The following UNC13C variants were observed in gnomAD, a reference collection of about 807,000 sequenced individuals.
UNC13C encodes the protein unc-13 homolog C.
UNC13C carries 174 observed loss-of-function variants against 245.4 expected under a neutral mutation model. The observed-to-expected ratio is 0.71, with a 90% CI of 0.63 to 0.80. UNC13C has a LOEUF of 0.80. Ranked by LOEUF, UNC13C falls within the 30% of genes least tolerant of loss-of-function variation. UNC13C has a pLI of 0.00. For synonymous variants in UNC13C, 992 were observed against 895.1 expected (o/e 1.11, Z -1.93); for missense variants, 2,829 against 2,602.9 (o/e 1.09, Z -1.89).
chr15:54,104,070 C>T (rs920536073), intron 2 of UNC13C, among the ~76,000 whole-genome samples: 75 of 152,302 alleles, frequency 4.9e-4, no homozygotes, highest in African/African-American at 1.7e-3. Context: ...GATATTGTGT[C>T]GAGTCCTTTT....
intron 19 of UNC13C, among the ~76,000 whole-genome samples, chr15:54,468,040 C>A (rs1042052442): frequency 6.6e-6 from 1 of 151,706 alleles, no homozygotes; most frequent in Non-Finnish European, 1.5e-5. Context: ...CACTTCCATA[C>A]TGTTTTCCAA....
At chr15:54,521,022 TA>T (rs1895193858) in intron 24 of UNC13C, among the ~76,000 whole-genome samples, 1 of 152,076 alleles carries the variant, frequency 6.6e-6, no homozygotes, top group African/African-American at 2.4e-5. Flanking sequence ...GATGGGGTAA[TA>T]AAATTAATGG....
chr15:54,607,661 G>A (rs1899843109), intron 30 of UNC13C, among the ~76,000 whole-genome samples: 1 of 152,164 alleles, frequency 6.6e-6, no homozygotes, highest in Non-Finnish European at 1.5e-5. Flanking sequence ...ATGAAGCATG[G>A]CTGGGAGACC....
intron 4 of UNC13C, among the ~76,000 whole-genome samples, chr15:54,169,321 A>G (rs950438065): frequency 2.0e-5 from 3 of 152,154 alleles, no homozygotes; most frequent in Non-Finnish European, 2.9e-5. Flanking sequence ...GAATTTTTGC[A>G]TTTATGAAAT....
intron 4 of UNC13C, among the ~76,000 whole-genome samples, chr15:54,181,116 A>G (rs913909481): frequency 1.3e-5 from 2 of 151,734 alleles, no homozygotes; most frequent in Non-Finnish European, 3.0e-5. Context: ...TCTAGGATTT[A>G]AGAATCCTAG....
the UNC13C span, among the ~76,000 whole-genome samples, chr15:53,864,743 G>C: frequency 6.6e-6 from 1 of 152,022 alleles, no homozygotes; most frequent in African/African-American, 2.4e-5. Flanking sequence ...TGTGTTATTT[G>C]TAATAAAGTA....
intron 2 of UNC13C, among the ~76,000 whole-genome samples, chr15:54,136,537 A>AT (rs112172332): frequency 0.024 from 3,709 of 151,660 alleles, 154 homozygotes; most frequent in African/African-American, 0.08. Context: ...CCTTTTATTT[A>AT]TTTTTTTCTT....
intron 30 of UNC13C, among the ~76,000 whole-genome samples, chr15:54,584,411 C>T (rs577913560): frequency 2.4e-3 from 370 of 152,148 alleles, no homozygotes; most frequent in Non-Finnish European, 3.8e-3. Flanking sequence ...ATTCTTTAGC[C>T]GAAAAGGCAA....
intron 19 of UNC13C, among the ~76,000 whole-genome samples, chr15:54,449,847 C>T (rs1024265318): frequency 6.6e-6 from 1 of 152,204 alleles, no homozygotes; most frequent in Non-Finnish European, 1.5e-5. Flanking sequence ...AGGAGAGGCA[C>T]TCTGATTTTT....
chr15:54,456,015 T>A lies in UNC13C; in HGVS notation c.4934-38593T>A, dbSNP rs186311998. ...TATGGTTTCAGGTCATAGGCCTAAG[T>A]CTTTGATAAATCTTGAGTTGATTTT... On this transcript the variant is annotated intron_variant, in intron 19 of 32. Coordinates refer to ENST00000260323, the MANE Select transcript of UNC13C (RefSeq NM_001080534.3). Among the ~76,000 whole-genome samples the A allele has an allele frequency of 3.8e-4, 58 of 152,344 alleles. No homozygotes were observed. The Middle Eastern group carries it at 0.014, about 36-fold the overall frequency.
chr15:54,566,547 G>A (rs575522440), intron 29 of UNC13C, among the ~76,000 whole-genome samples: 3 of 152,116 alleles, frequency 2.0e-5, no homozygotes, highest in African/African-American at 7.2e-5. Context: ...GAATTTCAAA[G>A]GACCATAGGT....
At chr15:54,174,553 A>G (rs759351040) in intron 4 of UNC13C, among the ~76,000 whole-genome samples, 9 of 152,196 alleles carry the variant, frequency 5.9e-5, no homozygotes, top group Non-Finnish European at 1.2e-4. Context: ...TTAATGTAGC[A>G]TCAAGAAATT....
chr15:54,074,132 G>A (rs1898470720), intron 2 of UNC13C, among the ~76,000 whole-genome samples: 1 of 9,284 alleles, frequency 1.1e-4, no homozygotes, highest in Non-Finnish European at 3.4e-3. Flanking sequence ...TTATTGAAAA[G>A]AGAATCTTTC....
At chr15:53,965,160 T>C in the UNC13C span, among the ~76,000 whole-genome samples, 1 of 152,144 alleles carries the variant, frequency 6.6e-6, no homozygotes, top group Non-Finnish European at 1.5e-5. Flanking sequence ...GTGAACTATG[T>C]TTTATTATGT....
intron 14 of UNC13C, among the ~76,000 whole-genome samples, chr15:54,328,198 C>A (rs943970209): frequency 6.6e-6 from 1 of 151,940 alleles, no homozygotes; most frequent in Non-Finnish European, 1.5e-5. Context: ...ATTTTAGTGG[C>A]CTTTCATAAT....
the UNC13C span, chr15:53,912,405 G>C: frequency 6.6e-6 from 1 of 152,176 alleles, no homozygotes; most frequent in Non-Finnish European, 1.5e-5. Context: ...ATGTACAGCG[G>C]GCCCTAGCAC....
Position 53,983,276 on chromosome 15 carries a change from G to C in UNC13C, c.-257+4349G>C, listed in dbSNP as rs74983183. On this transcript the variant is annotated intron_variant, in intron 1 of 32. Coordinates refer to ENST00000260323, the MANE Select transcript of UNC13C (RefSeq NM_001080534.3). ...CCTACTGTACTTAGTTACTGGAATA[G>C]ATTGACTCTCTCCAGTGCCTTCCTC... is the stretch of plus-strand genomic sequence containing the variant. 5.8e-3 allele frequency among the ~76,000 whole-genome samples: 888 copies of C among 152,172 alleles called. 13 individuals carry two copies. The highest frequency in any genetic ancestry group is 0.021 in the African/African-American group (856 of 41,548).
chr15:53,851,754 C>T, the UNC13C span, among the ~76,000 whole-genome samples: 1 of 152,128 alleles, frequency 6.6e-6, no homozygotes, highest in African/African-American at 2.4e-5. Context: ...GGTTGTCCAT[C>T]GTTCAATCAC....
rs184716687 is a variant in UNC13C at position 54,199,405 on chromosome 15, T to C, written c.3072-35625T>C. Reference sequence around the variant, plus strand: ...CACATAGTCATCAGGTTATCTGAAGTCTAGACAAAGGAAAGAATCTTAAGA... The same window carrying C: ...CACATAGTCATCAGGTTATCTGAAGCCTAGACAAAGGAAAGAATCTTAAGA... On this transcript the variant is annotated intron_variant, in intron 4 of 32. Coordinates refer to ENST00000260323, the MANE Select transcript of UNC13C (RefSeq NM_001080534.3). 7.9e-5 allele frequency among the ~76,000 whole-genome samples: 12 copies of C among 152,126 alleles called. No individual in the cohort carries two copies. In the East Asian group the frequency reaches 2.1e-3, roughly 27 times the overall value.
Sources: gnomAD v4.1 joint callset for allele counts (sites outside exome capture counted in the v4.1 genomes callset) on GRCh38, gnomAD v4.1.1 for gene constraint, MANE v1.5 for transcripts, NCBI Gene and HGNC (gene_info 2026-07-23, HGNC 2026-07-21) for gene names.